The following WDR64 variants were observed in gnomAD, a reference collection of about 807,000 sequenced individuals.
WDR64 encodes WD repeat domain 64, also known as WD repeat-containing protein 64.
In WDR64, 112 loss-of-function variants were observed where a neutral mutation model predicts 139.3. That is an observed-to-expected ratio of 0.80 (90% confidence interval 0.69 to 0.94). The LOEUF is 0.94. Ranked by LOEUF, WDR64 falls within the 40% of genes least tolerant of loss-of-function variation. The pLI is 0.00. For synonymous variants in WDR64, 444 were observed against 437.7 expected, an observed-to-expected ratio of 1.01 and a Z score of -0.18; for missense variants, 1,206 against 1,293.1, an observed-to-expected ratio of 0.93 and a Z score of 1.03.
intron 10 of WDR64, among the ~76,000 whole-genome samples, chr1:241,732,681 G>A (rs1398423658): frequency 2.0e-5 from 3 of 151,906 alleles, no homozygotes; most frequent in South Asian, 2.1e-4. Flanking sequence ...TTAGCCAGGC[G>A]TGGTGGCGGG....
chr1:241,704,400 T>A (rs750896891), intron 8 of WDR64, among the ~76,000 whole-genome samples: 19 of 152,254 alleles, frequency 1.2e-4, no homozygotes, highest in Non-Finnish European at 2.8e-4. Context: ...TTTTTATGCA[T>A]GCTGGTTAGA....
intron 2 of WDR64, among the ~76,000 whole-genome samples, chr1:241,668,377 A>C (rs1316270189): frequency 6.6e-6 from 1 of 151,856 alleles, no homozygotes; most frequent in African/African-American, 2.4e-5. Flanking sequence ...GTGTGGTGGC[A>C]GGATTGTGGA....
At chr1:241,693,536 T>C (rs1256570372) in intron 8 of WDR64, among the ~76,000 whole-genome samples, 1 of 152,192 alleles carries the variant, frequency 6.6e-6, no homozygotes, top group Non-Finnish European at 1.5e-5. Context: ...AACCCTAATG[T>C]AAACTATGGA....
chr1:241,797,373 G>A (rs1294794798), intron 27 of WDR64, among the ~76,000 whole-genome samples: 1 of 152,034 alleles, frequency 6.6e-6, no homozygotes, highest in Non-Finnish European at 1.5e-5. Context: ...AGCTCTCAGG[G>A]GCCTAACTTA....
rs1201374061 is a variant in WDR64, at chr1:241,783,410, T to G, written c.2705+29T>G. ...GGCCAAGATGGCATCATACTGTGAA[T>G]TCAGTACTGTGAGCATGAGAGGTAA... is the stretch of plus-strand genomic sequence containing the variant. On this transcript the variant is annotated intron_variant, in intron 23 of 27. Transcript: ENST00000437684. The G allele has an allele frequency of 2.0e-6, 3 of 1,523,782 alleles. No individual in the cohort carries two copies. The South Asian group carries it at 3.4e-5, about 17-fold the overall frequency. 94.4% of individuals were successfully genotyped at this position (1,523,782 alleles called of 1,614,324 possible).
chr1:241,657,176 T>C (rs1480903120), intron 1 of WDR64, among the ~76,000 whole-genome samples: 1 of 152,056 alleles, frequency 6.6e-6, no homozygotes, highest in Non-Finnish European at 1.5e-5. Context: ...AAAAGAGGCA[T>C]AAACGAGACT....
intron 2 of WDR64, 160 bp downstream of exon 2, chr1:241,660,820 A>C (rs969305071): frequency 1.4e-6 from 1 of 716,572 alleles, no homozygotes; most frequent in Non-Finnish European, 2.3e-6. Flanking sequence ...ACTGCCCACA[A>C]ATGAAAGTGG....
intron 10 of WDR64, among the ~76,000 whole-genome samples, chr1:241,724,175 A>C (rs1294165307): frequency 6.6e-6 from 1 of 152,186 alleles, no homozygotes; most frequent in Non-Finnish European, 1.5e-5. Flanking sequence ...CTATGTTCCT[A>C]CATGGAAATA....
At chr1:241,679,702 A>T (rs1666700472) in intron 6 of WDR64, 107 bp downstream of exon 6, 2 of 905,156 alleles carry the variant, frequency 2.2e-6, no homozygotes, top group Admixed American at 4.7e-5. Context: ...TCATCTATAA[A>T]ATGAGAGGAT....
chr1:241,735,815 C>T (rs982059365), intron 10 of WDR64, among the ~76,000 whole-genome samples: 6 of 96,036 alleles, frequency 6.2e-5, no homozygotes, highest in African/African-American at 2.6e-4. Flanking sequence ...GCCTGTCCTT[C>T]TCTTTCTATC....
intron 6 of WDR64, among the ~76,000 whole-genome samples, chr1:241,680,031 A>G (rs1224105773): frequency 6.6e-6 from 1 of 152,172 alleles, no homozygotes; most frequent in African/African-American, 2.4e-5. Flanking sequence ...TGCTTAACCA[A>G]TCTACAGTAT....
At chr1:241,725,934 T>C (rs1668815607) in intron 10 of WDR64, among the ~76,000 whole-genome samples, 1 of 152,134 alleles carries the variant, frequency 6.6e-6, no homozygotes, top group Non-Finnish European at 1.5e-5. Context: ...TCTGCTGTCT[T>C]GACCTACTGG....
At chr1:241,750,453 T>C (rs1669936489) in intron 14 of WDR64, among the ~76,000 whole-genome samples, 1 of 151,928 alleles carries the variant, frequency 6.6e-6, no homozygotes. Flanking sequence ...GAAAAAGGAG[T>C]GAAAAACCTG....
chr1:241,698,407 G>C (rs1441828984), intron 8 of WDR64, among the ~76,000 whole-genome samples: 1 of 151,830 alleles, frequency 6.6e-6, no homozygotes, highest in Non-Finnish European at 1.5e-5. Flanking sequence ...CTGCCCTCTT[G>C]CCTCAATATT....
At chr1:241,762,551 A>G (rs903149127) in intron 15 of WDR64, among the ~76,000 whole-genome samples, 11 of 152,094 alleles carry the variant, frequency 7.2e-5, no homozygotes, top group Non-Finnish European at 1.5e-5. Context: ...ATCTTCACTA[A>G]CTTTTTTGAT....
chr1:241,786,055 T>C (rs1182011178), intron 23 of WDR64, among the ~76,000 whole-genome samples: 2 of 152,220 alleles, frequency 1.3e-5, no homozygotes, highest in Admixed American at 6.5e-5. Context: ...CTTCTAAATT[T>C]TACTATTAAA....
chr1:241,655,641 A>G (rs374281902), intron 1 of WDR64, among the ~76,000 whole-genome samples: 1 of 151,558 alleles, frequency 6.6e-6, no homozygotes, highest in Non-Finnish European at 1.5e-5. Context: ...ATTTCCAAAC[A>G]TGCTCTTAAT....
intron 7 of WDR64, among the ~76,000 whole-genome samples, chr1:241,686,501 T>C (rs6429291): frequency 0.51 from 78,114 of 152,124 alleles, 22,730 homozygotes; most frequent in Non-Finnish European, 0.67. Context: ...GTGACAAGAA[T>C]TTTTACCTTA....
intron 7 of WDR64, among the ~76,000 whole-genome samples, chr1:241,686,457 A>G (rs967225648): frequency 1.3e-5 from 2 of 152,202 alleles, no homozygotes; most frequent in African/African-American, 4.8e-5. Context: ...AGCTGTAAAC[A>G]TTTCTATTCC....
Sources: allele counts gnomAD v4.1 joint callset (sites outside exome capture counted in the v4.1 genomes callset), GRCh38; gene constraint gnomAD v4.1.1; transcripts MANE v1.5; gene names NCBI Gene and HGNC (gene_info 2026-07-23, HGNC 2026-07-21).